The following EXTL3 variants were observed in gnomAD, a reference collection of about 807,000 sequenced individuals.
EXTL3 encodes the protein exostosin like glycosyltransferase 3.
In EXTL3, 27 loss-of-function variants were observed where a neutral mutation model predicts 69.3. The observed-to-expected ratio is 0.39, with a 90% CI of 0.29 to 0.54. The LOEUF is 0.54. Ranked by LOEUF, EXTL3 falls within the 20% of genes least tolerant of loss-of-function variation. EXTL3 has a pLI of 0.69. For synonymous variants in EXTL3, 511 were observed against 499.4 expected, an observed-to-expected ratio of 1.02 and a Z score of -0.31; for missense variants, 1,003 against 1,231.8, an observed-to-expected ratio of 0.81 and a Z score of 2.78.
chr8:28,727,363 TTTAA>T (rs1298729954), intron 3 of EXTL3, among the ~76,000 whole-genome samples: 3 of 152,180 alleles, frequency 2.0e-5, no homozygotes, highest in African/African-American at 4.8e-5. Context: ...AGTAATGGAC[TTTAA>T]TAAACTTACT....
At chr8:28,652,157 G>A (rs183582) in intron 1 of EXTL3, among the ~76,000 whole-genome samples, 31,123 of 151,972 alleles carry the variant, frequency 0.2, 3,910 homozygotes, top group Non-Finnish European at 0.28. Flanking sequence ...GAACATTGGT[G>A]TGCAAGTATT....
intron 1 of EXTL3, among the ~76,000 whole-genome samples, chr8:28,692,256 A>G (rs565468463): frequency 1.2e-4 from 18 of 152,312 alleles, no homozygotes; most frequent in African/African-American, 4.3e-4. Context: ...ATGGATTTGT[A>G]GAAATATGGT....
intron 1 of EXTL3, among the ~76,000 whole-genome samples, chr8:28,695,191 G>A (rs1237798195): frequency 2.7e-5 from 4 of 149,194 alleles, no homozygotes; most frequent in African/African-American, 5.0e-5. Context: ...GTGCAGTGGC[G>A]GCATCTTGGC....
chr8:28,701,362 G>A (rs1386404976), upstream of EXTL3: 1 of 152,030 alleles, frequency 6.6e-6, no homozygotes, highest in African/African-American at 2.4e-5. Context: ...CCCCTGACCC[G>A]GGTGTCACCG....
chr8:28,693,126 A>C (rs1315757666), intron 1 of EXTL3, among the ~76,000 whole-genome samples: 2 of 150,810 alleles, frequency 1.3e-5, no homozygotes, highest in Non-Finnish European at 3.0e-5. Flanking sequence ...ATTACAGGTT[A>C]GGTGTCTTAT....
At chr8:28,701,402 G>A (rs1192018329), upstream of EXTL3, 3 of 151,840 alleles carry the variant, frequency 2.0e-5, no homozygotes, top group African/African-American at 7.3e-5. Context: ...GGCGGTCTTC[G>A]GACGCGGTCG....
At chr8:28,678,470 C>A (rs1807424915) in intron 1 of EXTL3, among the ~76,000 whole-genome samples, 1 of 152,002 alleles carries the variant, frequency 6.6e-6, no homozygotes, top group Non-Finnish European at 1.5e-5. Flanking sequence ...TCTGAGAGAA[C>A]TGGTGTTAAA....
chr8:28,733,377 TGTG>T (rs773959824), intron 4 of EXTL3, among the ~76,000 whole-genome samples: 2 of 150,298 alleles, frequency 1.3e-5, no homozygotes, highest in Non-Finnish European at 3.0e-5. Context: ...TATATATAAA[TGTG>T]TGTGTGTGTG....
At chr8:28,726,595 T>C (rs1801417085) in intron 3 of EXTL3, among the ~76,000 whole-genome samples, 1 of 152,144 alleles carries the variant, frequency 6.6e-6, no homozygotes, top group African/African-American at 2.4e-5. Context: ...CAGATAATTC[T>C]CTGTTGTGGG....
At chr8:28,636,016 G>A (rs1011750246) in intron 1 of EXTL3, among the ~76,000 whole-genome samples, 6 of 152,014 alleles carry the variant, frequency 3.9e-5, no homozygotes, top group Non-Finnish European at 7.4e-5. Context: ...CACTGCCCCC[G>A]GCCGAGGATA....
At position 28,684,213 on chromosome 8, in the gene EXTL3, T is replaced by C. The variant is rs145722776; in HGVS notation, c.-52-29244T>C. On this transcript the variant is annotated intron_variant, in intron 1 of 6. Coordinates refer to the EXTL3 transcript ENST00000523149. ...TTAGGTTGCTTCCAAATCTTGGCTA[T>C]TGTGAATAGTGCCTCAGTTAAACAT... Among the ~76,000 whole-genome samples the C allele has an allele frequency of 8.7e-3, 1,331 of 152,334 alleles. 21 individuals are homozygous for C. Among genetic ancestry groups the C allele is most frequent in the African/African-American group, 0.03 (1,236 of 41,570 alleles).
chr8:28,716,687 C>G lies in EXTL3; in HGVS notation c.628C>G (p.Leu210Val), dbSNP rs1360452263. 1 of 1,614,250 alleles carries G rather than the reference C, an allele frequency of 6.2e-7. No individual in the cohort carries two copies. The highest frequency in any genetic ancestry group is 1.3e-5 in the African/African-American group (1 of 75,062). ...DSDQFVFGSYLDPLVKQAFQA... is the reference protein window; with the variant it reads ...DSDQFVFGSYVDPLVKQAFQA... Reference sequence around the variant, plus strand: ...TGACCAGTTTGTCTTTGGCAGCTACCTGGATCCCTTGGTCAAGCAGGCTTT... The same window carrying G: ...TGACCAGTTTGTCTTTGGCAGCTACGTGGATCCCTTGGTCAAGCAGGCTTT... The change falls in exon 3 of 7, where the codon CTG becomes GTG. Residue 210 changes from leucine (L) to valine (V), a missense_variant. Leu to Val is a conservative substitution (Grantham distance 32). Transcript: ENST00000220562. The surrounding 1 kb of genome is among the most constrained non-coding windows in gnomAD (Gnocchi z 7.1).
upstream of EXTL3, among the ~76,000 whole-genome samples, chr8:28,618,811 G>A (rs1209613119): frequency 1.3e-5 from 2 of 151,934 alleles, no homozygotes; most frequent in African/African-American, 4.8e-5. Flanking sequence ...CAAGCCAGGC[G>A]TGGTGGCTCA....
intron 1 of EXTL3, among the ~76,000 whole-genome samples, chr8:28,654,732 A>C (rs1000490927): frequency 2.6e-5 from 4 of 152,186 alleles, no homozygotes; most frequent in African/African-American, 9.7e-5. Flanking sequence ...CAAACACTTT[A>C]GATGTTTGAC....
At chr8:28,685,642 T>C (rs1378748281) in intron 1 of EXTL3, among the ~76,000 whole-genome samples, 1 of 152,130 alleles carries the variant, frequency 6.6e-6, no homozygotes, top group Non-Finnish European at 1.5e-5. Context: ...TTTTTTCTTT[T>C]GAAATATTTT....
chr8:28,664,451 T>A (rs980464619), intron 1 of EXTL3, among the ~76,000 whole-genome samples: 1 of 152,170 alleles, frequency 6.6e-6, no homozygotes, highest in African/African-American at 2.4e-5. Context: ...GACGTGATCA[T>A]GGCTCACAGA....
rs551108713 is a variant in EXTL3 at position 28,755,479 on chromosome 8, T to C, written c.*4613T>C. 2 of 152,424 alleles carry C rather than the reference T, an allele frequency of 1.3e-5. No individual in the cohort carries two copies. Among genetic ancestry groups the C allele is most frequent in the South Asian group, 4.1e-4 (2 of 4,828 alleles). The allele number at this position is 152,424 out of a possible 1,614,324, so 9.4% of individuals were successfully genotyped here. A position where few individuals can be genotyped will look rare whatever the true frequency, so the allele number is the denominator to read the frequency against. ...ATGAAAGAGTACAGGCTGGGTGCGG[T>C]GGTTCACGCCTGTAATCCCAGCACC... On this transcript the variant is annotated 3_prime_UTR_variant, in exon 7 of 7. Coordinates refer to ENST00000220562, the MANE Select transcript of EXTL3 (RefSeq NM_001440.4).
At chr8:28,619,311 A>AAAAAAAAAC (rs1478312916), upstream of EXTL3, among the ~76,000 whole-genome samples, 2 of 121,472 alleles carry the variant, frequency 1.6e-5, no homozygotes, top group Non-Finnish European at 3.3e-5. Flanking sequence ...AAAAAAAAAA[A>AAAAAAAAAC]AAAACCCTGT....
chr8:28,678,632 C>T (rs1484447150), intron 1 of EXTL3, among the ~76,000 whole-genome samples: 1 of 152,170 alleles, frequency 6.6e-6, no homozygotes, highest in African/African-American at 2.4e-5. Context: ...TTTTGTGCAG[C>T]CTGCAGAACC....
Sources: allele counts gnomAD v4.1 joint callset (sites outside exome capture counted in the v4.1 genomes callset), GRCh38; gene constraint gnomAD v4.1.1; non-coding constraint Gnocchi (gnomAD v3.1); transcripts MANE v1.5; gene names NCBI Gene and HGNC (gene_info 2026-07-23, HGNC 2026-07-21).